SORCS2: variants seen among roughly 807,000 people sequenced by gnomAD.
SORCS2 encodes VPS10 domain-containing receptor SorCS2.
A neutral mutation model predicts 141.6 loss-of-function variants in SORCS2; 100 were observed. The ratio of observed to expected loss-of-function variants is 0.71; its 90% CI spans 0.60 to 0.83. The LOEUF is 0.83. Among genes scored for constraint, SORCS2 ranks in the 40% least tolerant of loss-of-function variants. The pLI is 0.00. For synonymous variants in SORCS2, 789 were observed against 676.9 expected, an observed-to-expected ratio of 1.17 and a Z score of -2.57; for missense variants, 1,646 against 1,560.2, an observed-to-expected ratio of 1.05 and a Z score of -0.93.
intron 1 of SORCS2, among the ~76,000 whole-genome samples, chr4:7,310,122 G>A (rs1393993874): frequency 1.3e-5 from 2 of 152,236 alleles, no homozygotes; most frequent in Non-Finnish European, 2.9e-5. Flanking sequence ...AAGACCCTGG[G>A]GGATGGAGAG....
At chr4:7,729,756 C>G (rs1385328980) in intron 23 of SORCS2, 44 bp downstream of exon 23, 2 of 1,585,060 alleles carry the variant, frequency 1.3e-6, no homozygotes, top group African/African-American at 2.7e-5. Context: ...CCCTGCACAT[C>G]CCAGGGCTCG....
chr4:7,724,760 T>TGG (rs1727023634), intron 19 of SORCS2, among the ~76,000 whole-genome samples: 9 of 10,378 alleles, frequency 8.7e-4, no homozygotes, highest in African/African-American at 4.7e-3. Flanking sequence ...GGTGGTGGTG[T>TGG]TGGTGATGAT....
At chr4:7,638,637 G>C (rs1577878324) in intron 4 of SORCS2, 145 bp downstream of exon 4, 4 of 814,514 alleles carry the variant, frequency 4.9e-6, no homozygotes, top group African/African-American at 3.6e-5. Context: ...GGGCCGGGAT[G>C]CTGGACCCCG....
intron 2 of SORCS2, among the ~76,000 whole-genome samples, chr4:7,472,022 C>T (rs1003287342): frequency 3.3e-5 from 5 of 152,260 alleles, no homozygotes; most frequent in African/African-American, 1.2e-4. Context: ...GTGCTTCGAC[C>T]CTGACCTCTC....
chr4:7,320,787 C>A (rs1718847607), intron 1 of SORCS2, among the ~76,000 whole-genome samples: 1 of 152,296 alleles, frequency 6.6e-6, no homozygotes, highest in African/African-American at 2.4e-5. Context: ...CAGGATGCTC[C>A]TACTCCTTTG....
intron 1 of SORCS2, among the ~76,000 whole-genome samples, 187 bp from the exon 2 acceptor site, chr4:7,396,101 A>C (rs1039098681): frequency 6.6e-6 from 1 of 152,214 alleles, no homozygotes; most frequent in East Asian, 1.9e-4. Flanking sequence ...GAGCAGAAAT[A>C]AGCCCACGTC....
At chr4:7,420,172 G>C (rs187180918) in intron 2 of SORCS2, among the ~76,000 whole-genome samples, 1 of 152,226 alleles carries the variant, frequency 6.6e-6, no homozygotes, top group Non-Finnish European at 1.5e-5. Flanking sequence ...CAATGTGCCT[G>C]GGGGGCAAGG....
intron 1 of SORCS2, among the ~76,000 whole-genome samples, chr4:7,243,457 G>A (rs6830990): frequency 0.8 from 121,048 of 152,090 alleles, 48,256 homozygotes; most frequent in African/African-American, 0.82. Context: ...GACAAGGCCA[G>A]ACCAGCTGAG....
intron 3 of SORCS2, among the ~76,000 whole-genome samples, chr4:7,532,041 A>G (rs1711702175): frequency 1.3e-5 from 2 of 152,176 alleles, no homozygotes; most frequent in African/African-American, 2.4e-5. Context: ...TGATTATGCT[A>G]TGATTTCCAT....
intron 1 of SORCS2, among the ~76,000 whole-genome samples, chr4:7,363,488 A>G (rs367860346): frequency 0.011 from 1,523 of 136,380 alleles, 17 homozygotes; most frequent in African/African-American, 0.041. Context: ...CACCATAACC[A>G]TGCCTCACCA....
intron 2 of SORCS2, among the ~76,000 whole-genome samples, chr4:7,520,402 G>A (rs554452201): frequency 2.0e-4 from 31 of 152,314 alleles, no homozygotes; most frequent in African/African-American, 7.2e-4. Context: ...CAGGTCCGAG[G>A]TCATGCCCCT....
intron 10 of SORCS2, among the ~76,000 whole-genome samples, chr4:7,684,484 C>T (rs1015892270): frequency 6.6e-6 from 1 of 152,132 alleles, no homozygotes; most frequent in East Asian, 1.9e-4. Context: ...AAACCCTACC[C>T]ACATGTTCCT....
intron 3 of SORCS2, among the ~76,000 whole-genome samples, chr4:7,633,648 T>C (rs1377822337): frequency 1.3e-5 from 2 of 152,222 alleles, no homozygotes; most frequent in Non-Finnish European, 2.9e-5. Flanking sequence ...ATGAGTTTTT[T>C]CTATGCGTTT....
chr4:7,210,067 A>G (rs963370918), intron 1 of SORCS2, among the ~76,000 whole-genome samples: 1 of 152,184 alleles, frequency 6.6e-6, no homozygotes, highest in African/African-American at 2.4e-5. Flanking sequence ...TGAAGGATGC[A>G]TGTGTGATGG....
intron 1 of SORCS2, among the ~76,000 whole-genome samples, chr4:7,226,401 C>T (rs1728992653): frequency 6.6e-6 from 1 of 152,112 alleles, no homozygotes; most frequent in African/African-American, 2.4e-5. Flanking sequence ...CTGATGGAGC[C>T]CTGTTGAACT....
intron 19 of SORCS2, among the ~76,000 whole-genome samples, chr4:7,724,123 GGTGGTGGTGGTGGTGGTGATGGTC>G (rs1405061156): frequency 5.0e-5 from 7 of 139,804 alleles, no homozygotes; most frequent in Admixed American, 1.4e-4. Context: ...TGATGGTGGT[GGTGGTGGTGGTGGTGGTGATGGTC>G]GTGGTGGTGG....
chr4:7,691,722 TG>T (rs1437097544), intron 11 of SORCS2, among the ~76,000 whole-genome samples: 1 of 152,088 alleles, frequency 6.6e-6, no homozygotes, highest in African/African-American at 2.4e-5. Flanking sequence ...CCCCCAATCC[TG>T]TACACTTGGT....
chr4:7,215,147 A>C (rs1176044993), intron 1 of SORCS2, among the ~76,000 whole-genome samples: 1 of 151,746 alleles, frequency 6.6e-6, no homozygotes, highest in Non-Finnish European at 1.5e-5. Context: ...GCGAGCGGGA[A>C]CCGGGGCTGT....
At chr4:7,252,873 A>G (rs1713598969) in intron 1 of SORCS2, among the ~76,000 whole-genome samples, 2 of 152,260 alleles carry the variant, frequency 1.3e-5, no homozygotes, top group African/African-American at 4.8e-5. Context: ...TTCCGTTTAG[A>G]AAAAATTGAA....
Sources: allele counts gnomAD v4.1 joint callset (sites outside exome capture counted in the v4.1 genomes callset), GRCh38; gene constraint gnomAD v4.1.1; transcripts MANE v1.5; gene names NCBI Gene and HGNC (gene_info 2026-07-23, HGNC 2026-07-21).